SPOCK1: variants seen among roughly 807,000 people sequenced by gnomAD.
SPOCK1 encodes the protein SPARC (osteonectin), cwcv and kazal like domains proteoglycan 1, also known as testican-1.
Under a neutral mutation model 55.3 loss-of-function variants are expected in SPOCK1, and 23 were observed. The observed-to-expected ratio is 0.42, with a 90% CI of 0.30 to 0.59. The LOEUF (loss-of-function observed/expected upper bound fraction) is 0.59. Ranked by LOEUF, SPOCK1 falls within the 20% of genes least tolerant of loss-of-function variation. SPOCK1 has a pLI of 0.22. For synonymous variants in SPOCK1, 226 were observed against 221.0 expected, an observed-to-expected ratio of 1.02 and a Z score of -0.20; for missense variants, 499 against 552.5, an observed-to-expected ratio of 0.90 and a Z score of 0.97.
At chr5:137,367,565 G>T (rs1234224014) in intron 2 of SPOCK1, among the ~76,000 whole-genome samples, 1 of 152,194 alleles carries the variant, frequency 6.6e-6, no homozygotes, top group African/African-American at 2.4e-5. Flanking sequence ...AAGCAGGCAT[G>T]CAGTGAATAA....
chr5:137,313,281 T>C (rs936834558), intron 2 of SPOCK1: 1 of 345,836 alleles, frequency 2.9e-6, no homozygotes, highest in African/African-American at 2.2e-5. Context: ...TCATTAATTC[T>C]ATTAGCCTTA....
intron 6 of SPOCK1, among the ~76,000 whole-genome samples, chr5:137,033,831 T>A (rs1751829650): frequency 6.6e-6 from 1 of 152,204 alleles, no homozygotes; most frequent in South Asian, 2.1e-4. Context: ...CTTGAACTCC[T>A]GGCTTCAAGT....
chr5:136,996,607 C>T (rs1751043373), intron 6 of SPOCK1, among the ~76,000 whole-genome samples: 1 of 152,102 alleles, frequency 6.6e-6, no homozygotes, highest in Non-Finnish European at 1.5e-5. Flanking sequence ...GTGAAGCCAG[C>T]TAGACTTCCT....
In SPOCK1 at chr5:137,448,600, A is replaced by G. The variant is rs115413151; in HGVS notation, c.186+49773T>C. ...GGAATTCAAATACAGGTAAGAATGT[A>G]TGAGTGACAAATAATCAGATTTTTT... On this transcript the variant is annotated intron_variant, in intron 2 of 10. Coordinates refer to ENST00000394945, the MANE Select transcript of SPOCK1 (RefSeq NM_004598.4). Among the ~76,000 whole-genome samples, 416 of 152,350 alleles carry G rather than the reference A, an allele frequency of 2.7e-3. 1 individual carries two copies. The highest frequency in any genetic ancestry group is 9.6e-3 in the African/African-American group (400 of 41,576).
At chr5:137,104,573 A>C (rs1353395573) in intron 5 of SPOCK1, among the ~76,000 whole-genome samples, 1 of 152,196 alleles carries the variant, frequency 6.6e-6, no homozygotes, top group Non-Finnish European at 1.5e-5. Flanking sequence ...ACAGCAGGAA[A>C]TAAGCAGTGG....
At chr5:137,181,614 C>T (rs1754970693) in intron 3 of SPOCK1, among the ~76,000 whole-genome samples, 1 of 152,222 alleles carries the variant, frequency 6.6e-6, no homozygotes, top group African/African-American at 2.4e-5. Flanking sequence ...CTGCCCCTCT[C>T]ATTTGCTGTA....
chr5:136,983,780 A>AT (rs1455656211), intron 9 of SPOCK1, among the ~76,000 whole-genome samples: 19 of 152,214 alleles, frequency 1.2e-4, no homozygotes, highest in East Asian at 1.9e-4. Context: ...AGCAAATGGC[A>AT]TTTTTTCTGA....
At chr5:137,198,785 T>A (rs902048890) in intron 3 of SPOCK1, among the ~76,000 whole-genome samples, 1 of 152,228 alleles carries the variant, frequency 6.6e-6, no homozygotes, top group Non-Finnish European at 1.5e-5. Context: ...TGTTTTAAGA[T>A]TATTGTCTTT....
chr5:137,011,392 G>A lies in SPOCK1; in HGVS notation c.590-18792C>T, dbSNP rs143660450. Among the ~76,000 whole-genome samples, 4 of 152,182 alleles carry A rather than the reference G, an allele frequency of 2.6e-5. No homozygotes were observed. In the East Asian group the frequency reaches 7.7e-4, roughly 29 times the overall value. ...ATTACGGCATCTCTAAGGACTCCCA[G>A]GAATTATACCCCATAACGTGCCTTG... On this transcript the variant is annotated intron_variant, in intron 6 of 10. Coordinates refer to ENST00000394945, the MANE Select transcript of SPOCK1 (RefSeq NM_004598.4).
chr5:137,198,957 A>G (rs957286187), intron 3 of SPOCK1, among the ~76,000 whole-genome samples: 1 of 152,172 alleles, frequency 6.6e-6, no homozygotes, highest in African/African-American at 2.4e-5. Flanking sequence ...GTATCTGCAA[A>G]ATCTCCCAGC....
chr5:137,033,084 G>A (rs1751814380), intron 6 of SPOCK1, among the ~76,000 whole-genome samples: 1 of 152,206 alleles, frequency 6.6e-6, no homozygotes, highest in Non-Finnish European at 1.5e-5. Context: ...TTCAGGGTCA[G>A]GAAGTGAGCT....
At chr5:137,395,680 G>A (rs928663088) in intron 2 of SPOCK1, among the ~76,000 whole-genome samples, 1 of 152,236 alleles carries the variant, frequency 6.6e-6, no homozygotes, top group South Asian at 2.1e-4. Context: ...AGGTGAGGTG[G>A]TTGATGGAGC....
chr5:137,332,579 C>T (rs964812893), intron 2 of SPOCK1, among the ~76,000 whole-genome samples: 1 of 152,224 alleles, frequency 6.6e-6, no homozygotes, highest in African/African-American at 2.4e-5. Flanking sequence ...TTCTCCACTT[C>T]TATGGGCTGG....
At chr5:137,426,960 T>C in intron 2 of SPOCK1, among the ~76,000 whole-genome samples, 1 of 152,208 alleles carries the variant, frequency 6.6e-6, no homozygotes, top group East Asian at 1.9e-4. Flanking sequence ...GATGCACTGC[T>C]GGGAAGCAGC....
intron 2 of SPOCK1, among the ~76,000 whole-genome samples, chr5:137,426,848 G>A (rs1444925312): frequency 6.6e-6 from 1 of 152,092 alleles, no homozygotes; most frequent in East Asian, 1.9e-4. Context: ...CTCTGCCAGG[G>A]GTCACAGATG....
chr5:137,483,335 A>G (rs1434653097), intron 2 of SPOCK1, among the ~76,000 whole-genome samples: 1 of 152,220 alleles, frequency 6.6e-6, no homozygotes, highest in African/African-American at 2.4e-5. Flanking sequence ...CATCCCAGAA[A>G]TAAAAATAAA....
chr5:137,279,133 T>C (rs1384694484), intron 2 of SPOCK1, among the ~76,000 whole-genome samples: 1 of 152,270 alleles, frequency 6.6e-6, no homozygotes, highest in South Asian at 2.1e-4. Flanking sequence ...GAGGGCTTAT[T>C]TGGAGGGTGA....
At chr5:137,240,342 C>T (rs1451271505) in intron 3 of SPOCK1, among the ~76,000 whole-genome samples, 1 of 152,152 alleles carries the variant, frequency 6.6e-6, no homozygotes, top group East Asian at 1.9e-4. Flanking sequence ...CAGGAAGCTT[C>T]CAATCATGAT....
intron 2 of SPOCK1, among the ~76,000 whole-genome samples, chr5:137,349,674 G>A (rs905869045): frequency 5.3e-5 from 8 of 152,178 alleles, no homozygotes; most frequent in Non-Finnish European, 1.0e-4. Flanking sequence ...GCTTCTAGTG[G>A]TTTGCTCATC....
Sources: gnomAD v4.1 joint callset for allele counts (sites outside exome capture counted in the v4.1 genomes callset) on GRCh38, gnomAD v4.1.1 for gene constraint, MANE v1.5 for transcripts, NCBI Gene and HGNC (gene_info 2026-07-23, HGNC 2026-07-21) for gene names.